Variants in STARD13 observed in about 807,000 individuals in gnomAD.
STARD13 encodes the protein StAR related lipid transfer domain containing 13, also known as stAR-related lipid transfer protein 13.
Under a neutral mutation model 106.4 loss-of-function variants are expected in STARD13, and 62 were observed. The observed-to-expected ratio is 0.58, with a 90% CI of 0.48 to 0.72. The LOEUF (loss-of-function observed/expected upper bound fraction) is 0.72. Ranked by LOEUF, STARD13 falls within the 30% of genes least tolerant of loss-of-function variation. STARD13 has a pLI of 0.00. For missense variants in STARD13, 1,387 were observed against 1,424.0 expected, an observed-to-expected ratio of 0.97 and a Z score of 0.42; for synonymous variants, 565 against 553.0, an observed-to-expected ratio of 1.02 and a Z score of -0.31.
the STARD13 span, among the ~76,000 whole-genome samples, chr13:33,472,610 G>T: frequency 6.6e-6 from 1 of 151,860 alleles, no homozygotes; most frequent in Non-Finnish European, 1.5e-5. Context: ...GAGCAAAATT[G>T]CTGCATTAAG....
chr13:33,124,986 T>C (rs1876945801), intron 7 of STARD13, among the ~76,000 whole-genome samples: 2 of 152,170 alleles, frequency 1.3e-5, no homozygotes. Flanking sequence ...ATTCTCTAAA[T>C]TAAAAATGAG....
At chr13:33,202,941 C>T (rs2764627) in intron 1 of STARD13, among the ~76,000 whole-genome samples, 7,114 of 152,096 alleles carry the variant, frequency 0.047, 554 homozygotes, top group African/African-American at 0.16. Context: ...CTTTGAATGA[C>T]GGGCAGAATT....
intron 7 of STARD13, 86 bp downstream of exon 7, chr13:33,125,995 G>A (rs1245241309): frequency 6.8e-7 from 1 of 1,470,874 alleles, no homozygotes; most frequent in African/African-American, 1.4e-5. Flanking sequence ...CCTGATATTG[G>A]GCAGATCTGA....
chr13:33,190,588 CT>C (rs71196510), intron 1 of STARD13, among the ~76,000 whole-genome samples: 35,292 of 130,838 alleles, frequency 0.27, 3,508 homozygotes, highest in South Asian at 0.4. Context: ...CTTTTCTTTT[CT>C]TTTTTTTTTT....
chr13:33,545,271 A>G, the STARD13 span, among the ~76,000 whole-genome samples: 2 of 150,740 alleles, frequency 1.3e-5, no homozygotes, highest in East Asian at 2.0e-4. Flanking sequence ...AATTTTTTGT[A>G]TTTTTAGTAG....
chr13:33,185,505 T>C (rs1885669212), intron 1 of STARD13, among the ~76,000 whole-genome samples: 1 of 152,106 alleles, frequency 6.6e-6, no homozygotes, highest in African/African-American at 2.4e-5. Context: ...AAAATCCAAA[T>C]TTCCGAGGAC....
the STARD13 span, among the ~76,000 whole-genome samples, chr13:33,499,627 T>TCTTCTTCTTCTTCTTCTTCTTCTTCTC: frequency 2.6e-5 from 3 of 113,480 alleles, no homozygotes; most frequent in African/African-American, 1.5e-4. Context: ...TTCTTCTTCT[T>TCTTCTTCTTCTTCTTCTTCTTCTTCTC]CTTCTTCTTC....
At chr13:33,227,761 C>T (rs989424900) in intron 1 of STARD13, among the ~76,000 whole-genome samples, 1 of 152,124 alleles carries the variant, frequency 6.6e-6, no homozygotes, top group Non-Finnish European at 1.5e-5. Flanking sequence ...ACTTCCCTCA[C>T]TCCCATTTTT....
At chr13:33,563,656 A>G in the STARD13 span, among the ~76,000 whole-genome samples, 55 of 147,654 alleles carry the variant, frequency 3.7e-4, 9 homozygotes, top group African/African-American at 1.4e-3. Flanking sequence ...GCTTCAGGAC[A>G]TTGGTCTGGG....
chr13:33,429,318 C>T, the STARD13 span, among the ~76,000 whole-genome samples: 4 of 152,096 alleles, frequency 2.6e-5, no homozygotes, highest in Admixed American at 6.5e-5. Flanking sequence ...GGTACAGGGC[C>T]GGGCGTGGTG....
At chr13:33,483,851 T>C in the STARD13 span, among the ~76,000 whole-genome samples, 1 of 152,218 alleles carries the variant, frequency 6.6e-6, no homozygotes, top group Non-Finnish European at 1.5e-5. Context: ...CAATGGGACC[T>C]AGACCAAACC....
chr13:33,594,534 T>C, the STARD13 span, among the ~76,000 whole-genome samples: 1 of 152,238 alleles, frequency 6.6e-6, no homozygotes. Context: ...ATAACAAAAT[T>C]TATCATTGTA....
At chr13:33,565,142 G>T in the STARD13 span, among the ~76,000 whole-genome samples, 1 of 147,346 alleles carries the variant, frequency 6.8e-6, no homozygotes, top group Admixed American at 7.0e-5. Context: ...ACTATTGCAG[G>T]TTCTCACTTA....
upstream of STARD13, among the ~76,000 whole-genome samples, chr13:33,289,038 C>T (rs1029738393): frequency 7.2e-5 from 11 of 152,190 alleles, no homozygotes; most frequent in African/African-American, 2.7e-4. Flanking sequence ...CTCTCTCTGG[C>T]TTTTCCTTTA....
At position 33,130,283 on chromosome 13, in the gene STARD13, C is replaced by A. The variant is rs201883894; in HGVS notation, c.394G>T (p.Asp132Tyr). ...ATACAAAGATCTTCCTCATCGGAGT[C>A]GTCACCCTGCAGAGCACCAAGGAAA... ...DVNFQRKKGD[D>Y]SDEEDLCISN... is the part of the protein sequence containing the mutation. The change falls in exon 5 of 14, where the codon GAC becomes TAC. Residue 132 changes from aspartate (D) to tyrosine (Y), a missense_variant. Asp to Tyr is a radical substitution (Grantham distance 160, BLOSUM62 -3). Transcript: ENST00000336934. The surrounding 1 kb of genome is among the most constrained non-coding windows in gnomAD (Gnocchi z 4.1). 46 of 1,599,904 alleles carry A rather than the reference C, an allele frequency of 2.9e-5. No individual in the cohort carries two copies. Among genetic ancestry groups the A allele is most frequent in the Non-Finnish European group, 3.6e-5 (43 of 1,179,202 alleles).
At chr13:33,430,688 G>A in the STARD13 span, among the ~76,000 whole-genome samples, 58 of 151,954 alleles carry the variant, frequency 3.8e-4, 1 homozygote, top group African/African-American at 1.3e-3. Context: ...CCCTTCAATG[G>A]ATAAATGGAT....
rs556759695 is a variant in STARD13, at chr13:33,216,313, C to A, written c.170-48691G>T. On this transcript the variant is annotated intron_variant, in intron 1 of 13. Transcript: ENST00000336934. Reference sequence around the variant, plus strand: ...GCAATTGCAAAAATGTGGAACCAACCCAAATGCCCATCAATCAATGAGTGG... The same window carrying A: ...GCAATTGCAAAAATGTGGAACCAACACAAATGCCCATCAATCAATGAGTGG... Among the ~76,000 whole-genome samples, 21 of 152,214 alleles carry A rather than the reference C, an allele frequency of 1.4e-4. 2 individuals carry two copies. In the South Asian group the frequency reaches 4.4e-3, roughly 32 times the overall value.
chr13:33,450,317 C>G, the STARD13 span, among the ~76,000 whole-genome samples: 1 of 152,148 alleles, frequency 6.6e-6, no homozygotes, highest in Admixed American at 6.6e-5. Flanking sequence ...TTATCAAATA[C>G]TTCTATTGAG....
the STARD13 span, among the ~76,000 whole-genome samples, chr13:33,633,142 C>A: frequency 6.6e-6 from 1 of 152,166 alleles, no homozygotes; most frequent in Non-Finnish European, 1.5e-5. Flanking sequence ...ATTCAGCATG[C>A]CACTTACTGC....
Sources: allele counts gnomAD v4.1 joint callset (sites outside exome capture counted in the v4.1 genomes callset), GRCh38; gene constraint gnomAD v4.1.1; non-coding constraint Gnocchi (gnomAD v3.1); transcripts MANE v1.5; gene names NCBI Gene and HGNC (gene_info 2026-07-23, HGNC 2026-07-21).